Variants in SEC14L1 observed in about 807,000 individuals in gnomAD.
SEC14L1 encodes the protein SEC14 like lipid binding 1, also known as SEC14-like protein 1.
A neutral mutation model predicts 85.3 loss-of-function variants in SEC14L1; 48 were observed. The ratio of observed to expected loss-of-function variants is 0.56; its 90% CI spans 0.45 to 0.72. The LOEUF (loss-of-function observed/expected upper bound fraction) is 0.72, where lower values mean the gene tolerates loss of function less well. SEC14L1 is among the 30% of genes least tolerant of loss of function. SEC14L1 has a pLI of 0.00. For missense variants in SEC14L1, 682 were observed against 921.4 expected (o/e 0.74, Z 3.36); for synonymous variants, 391 against 355.5 (o/e 1.10, Z -1.12).
chr17:77,209,717 C>G, intron 14 of SEC14L1: 1 of 388,302 alleles, frequency 2.6e-6, no homozygotes, highest in Non-Finnish European at 4.6e-6. Context: ...AATTGGATCT[C>G]TTGACCTCCA....
chr17:77,206,879 G>A lies in SEC14L1; in HGVS notation c.1476+17G>A. ...GAGTGCATGGTATGTCCTGAGGCGA[G>A]GAACTGCACATTTGGCCCCTTATGC... On this transcript the variant is annotated intron_variant, in intron 13 of 16. Coordinates refer to ENST00000436233, the MANE Select transcript of SEC14L1 (RefSeq NM_001143998.2). The surrounding 1 kb of genome is among the most constrained non-coding windows in gnomAD (Gnocchi z 4.3). The A allele has an allele frequency of 6.6e-7, 1 of 1,517,900 alleles. No homozygotes were observed. Among genetic ancestry groups the A allele is most frequent in the South Asian group, 1.3e-5 (1 of 75,718 alleles). 94.0% of individuals were successfully genotyped at this position (1,517,900 alleles called of 1,614,324 possible). A position where few individuals can be genotyped will look rare whatever the true frequency, so the allele number is the denominator to read the frequency against.
At chr17:77,156,523 TG>T (rs1973823065) in intron 3 of SEC14L1, among the ~76,000 whole-genome samples, 2 of 150,196 alleles carry the variant, frequency 1.3e-5, no homozygotes, top group Admixed American at 1.3e-4. Context: ...TGCAGTGAGC[TG>T]GGATCACACC....
At chr17:77,210,942 A>G (rs1976720459) in intron 14 of SEC14L1, 1 of 152,242 alleles carries the variant, frequency 6.6e-6, no homozygotes, top group Non-Finnish European at 1.5e-5. Flanking sequence ...GGAGGCCCCC[A>G]CTGTGAATGC....
chr17:77,174,924 G>C (rs1974683389), intron 3 of SEC14L1, among the ~76,000 whole-genome samples: 1 of 152,206 alleles, frequency 6.6e-6, no homozygotes, highest in Admixed American at 6.5e-5. Context: ...TTCCCCTGTT[G>C]GCTAGGATTG....
intron 3 of SEC14L1, among the ~76,000 whole-genome samples, chr17:77,150,444 T>TTA (rs1285353041): frequency 2.0e-5 from 3 of 152,182 alleles, no homozygotes; most frequent in African/African-American, 7.2e-5. Context: ...CTGAATCAGT[T>TTA]TATAAGTGAG....
intron 3 of SEC14L1, among the ~76,000 whole-genome samples, chr17:77,154,691 A>G (rs1173755771): frequency 1.3e-5 from 2 of 150,806 alleles, no homozygotes; most frequent in African/African-American, 4.9e-5. Flanking sequence ...ATGTATCAAT[A>G]TATGAAATAA....
intron 3 of SEC14L1, among the ~76,000 whole-genome samples, chr17:77,106,497 A>G (rs1410584700): frequency 6.6e-6 from 1 of 151,848 alleles, no homozygotes; most frequent in East Asian, 1.9e-4. Context: ...GTGTCACTGC[A>G]CTCCAGCCTG....
chr17:77,167,923 G>A (rs1355376262), intron 3 of SEC14L1, among the ~76,000 whole-genome samples: 3 of 152,238 alleles, frequency 2.0e-5, no homozygotes, highest in African/African-American at 7.2e-5. Context: ...GGTGCTGCCT[G>A]TTACAACCGC....
Position 77,206,345 on chromosome 17 carries a change from T to C in SEC14L1, c.1286T>C (p.Leu429Pro). 6.2e-7 allele frequency: 1 copy of C among 1,614,118 alleles called. No homozygotes were observed. Among genetic ancestry groups the C allele is most frequent in the Non-Finnish European group, 8.5e-7 (1 of 1,180,012 alleles). The stretch of plus-strand genomic sequence containing the variant: ...GTGGAGGCCAACTACCCTGAGACAC[T>C]GGGCCGCCTTCTCATCCTGCGGGCG... ...EVVEANYPET[L>P]GRLLILRAPR... Residue 429 changes from leucine to proline, a missense_variant, in exon 12 of 17, where the codon CTG (leucine) becomes CCG (proline). Physicochemically the swap from Leu to Pro is moderately conservative, Grantham distance 98. Coordinates refer to ENST00000436233, the MANE Select transcript of SEC14L1 (RefSeq NM_001143998.2). This position sits in a 1 kb window ranked among gnomAD's most constrained non-coding sequence, Gnocchi z 4.3.
chr17:77,121,982 G>A (rs980090974), intron 3 of SEC14L1, among the ~76,000 whole-genome samples: 5 of 152,192 alleles, frequency 3.3e-5, no homozygotes, highest in Non-Finnish European at 7.3e-5. Context: ...TTAAAAGGCT[G>A]TGTAAACATG....
At chr17:77,203,144 T>C (rs1976259405) in intron 9 of SEC14L1, among the ~76,000 whole-genome samples, 1 of 152,156 alleles carries the variant, frequency 6.6e-6, no homozygotes, top group Admixed American at 6.5e-5. Context: ...TCTGTAGTCA[T>C]AGAAAAAGTG....
intron 9 of SEC14L1, among the ~76,000 whole-genome samples, chr17:77,202,863 G>A (rs8078787): frequency 0.052 from 7,934 of 151,580 alleles, 320 homozygotes; most frequent in Admixed American, 0.12. Flanking sequence ...AGGTTGCAGT[G>A]AGCTGAGATC....
At chr17:77,140,801 G>T (rs531605504), upstream of SEC14L1, 1 of 152,110 alleles carries the variant, frequency 6.6e-6, no homozygotes, top group Non-Finnish European at 1.5e-5. Context: ...CGCCTGCGCA[G>T]TTCGGGCCCC....
chr17:77,148,393 C>T (rs963124609), intron 3 of SEC14L1, among the ~76,000 whole-genome samples: 4 of 152,128 alleles, frequency 2.6e-5, no homozygotes, highest in African/African-American at 9.7e-5. Flanking sequence ...TGGGAACACA[C>T]GATAGAAGAG....
chr17:77,120,768 C>T (rs374316663), intron 3 of SEC14L1, among the ~76,000 whole-genome samples: 22 of 152,296 alleles, frequency 1.4e-4, no homozygotes, highest in African/African-American at 5.1e-4. Flanking sequence ...TGAGCCACTG[C>T]GACCGGCCCC....
intron 3 of SEC14L1, among the ~76,000 whole-genome samples, chr17:77,103,947 C>A (rs1971843740): frequency 6.6e-6 from 1 of 151,370 alleles, no homozygotes; most frequent in Admixed American, 6.6e-5. Flanking sequence ...GACCCTGCCA[C>A]CTGGCACGCC....
At chr17:77,164,321 G>A (rs1598329098) in intron 3 of SEC14L1, among the ~76,000 whole-genome samples, 1 of 152,170 alleles carries the variant, frequency 6.6e-6, no homozygotes, top group East Asian at 1.9e-4. Context: ...AGACCTCTCT[G>A]GGAGTCACTC....
chr17:77,140,076 T>A (rs1002244102), upstream of SEC14L1, among the ~76,000 whole-genome samples: 9 of 152,226 alleles, frequency 5.9e-5, no homozygotes, highest in Admixed American at 1.3e-4. Context: ...ATGTTGGTTA[T>A]AAAACCAGCT....
chr17:77,216,459 T>C lies in SEC14L1; in HGVS notation c.*2436T>C. Reference sequence around the variant, plus strand: ...TCGTAGGTAGGGTTAGTAGCGCGTCTGTGCTGCTTCCACCTGGTGCTTCCT... The same window carrying C: ...TCGTAGGTAGGGTTAGTAGCGCGTCCGTGCTGCTTCCACCTGGTGCTTCCT... On this transcript the variant is annotated 3_prime_UTR_variant, in exon 17 of 17. Transcript: ENST00000436233. The C allele has an allele frequency of 6.2e-7, 1 of 1,610,386 alleles. No individual in the cohort carries two copies. Among genetic ancestry groups the C allele is most frequent in the Non-Finnish European group, 8.5e-7 (1 of 1,177,724 alleles).
Sources: gnomAD v4.1 joint callset for allele counts (sites outside exome capture counted in the v4.1 genomes callset) on GRCh38, gnomAD v4.1.1 for gene constraint, Gnocchi (gnomAD v3.1) non-coding constraint, MANE v1.5 for transcripts, NCBI Gene and HGNC (gene_info 2026-07-23, HGNC 2026-07-21) for gene names.